The following SHTN1 variants were observed in gnomAD, a reference collection of about 807,000 sequenced individuals.
The protein encoded by SHTN1 is shootin-1.
SHTN1 carries 42 observed loss-of-function variants against 83.1 expected under a neutral mutation model. The observed-to-expected ratio is 0.51, with a 90% CI of 0.39 to 0.65. The LOEUF is 0.65. Ranked by LOEUF, SHTN1 falls within the 30% of genes least tolerant of loss-of-function variation. The pLI, the probability that SHTN1 is intolerant of heterozygous loss-of-function variation, is 0.00. For synonymous variants in SHTN1, 224 were observed against 247.7 expected (o/e 0.90, Z 0.90); for missense variants, 622 against 737.8 (o/e 0.84, Z 1.82).
At chr10:117,084,449 G>A (rs1322882385) in intron 1 of SHTN1, among the ~76,000 whole-genome samples, 3 of 152,238 alleles carry the variant, frequency 2.0e-5, no homozygotes, top group African/African-American at 7.2e-5. Flanking sequence ...AAAGCTGTCA[G>A]ACAGGGTCAT....
At chr10:116,986,247 A>G (rs570069858) in intron 1 of SHTN1, among the ~76,000 whole-genome samples, 46 of 152,252 alleles carry the variant, frequency 3.0e-4, no homozygotes, top group African/African-American at 1.0e-3. Flanking sequence ...AAAATCAACA[A>G]CTCTTCCTAA....
intron 1 of SHTN1, among the ~76,000 whole-genome samples, chr10:116,980,581 A>G (rs1316033982): frequency 6.6e-6 from 1 of 150,910 alleles, no homozygotes; most frequent in Non-Finnish European, 1.5e-5. Flanking sequence ...TCTTTTAAGA[A>G]AGAAAAAAAA....
intron 1 of SHTN1, among the ~76,000 whole-genome samples, chr10:117,072,893 G>T (rs1390863778): frequency 6.6e-6 from 1 of 152,056 alleles, no homozygotes; most frequent in African/African-American, 2.4e-5. Flanking sequence ...GAATTTAGGA[G>T]GTTAGTTATT....
chr10:117,066,877 T>C (rs1017569298), intron 1 of SHTN1, among the ~76,000 whole-genome samples: 2 of 152,228 alleles, frequency 1.3e-5, no homozygotes, highest in Non-Finnish European at 1.5e-5. Context: ...ACTGCTCTTA[T>C]CTGTGAAATA....
Position 116,886,228 on chromosome 10 carries a change from T to G in SHTN1, c.*116A>C, listed in dbSNP as rs1847158637. The G allele has an allele frequency of 7.2e-7, 1 of 1,394,240 alleles. No homozygotes were observed. The highest frequency in any genetic ancestry group is 9.7e-7 in the Non-Finnish European group (1 of 1,035,330). The allele number at this position is 1,394,240 out of a possible 1,614,324, so 86.4% of individuals were successfully genotyped here. A position where few individuals can be genotyped will look rare whatever the true frequency, so the allele number is the denominator to read the frequency against. On this transcript the variant is annotated 3_prime_UTR_variant, in exon 17 of 17. Coordinates refer to ENST00000355371, the MANE Select transcript of SHTN1 (RefSeq NM_001127211.3). ...ACAAAAGTGACACCAGAAAAGAACCTGTATTCTGAATACAGTGACCAGAGC... is the reference window on the plus strand; with the variant it reads ...ACAAAAGTGACACCAGAAAAGAACCGGTATTCTGAATACAGTGACCAGAGC...
chr10:116,911,383 G>A, intron 14 of SHTN1: 1 of 1,346,596 alleles, frequency 7.4e-7, no homozygotes, highest in South Asian at 1.5e-5. Context: ...GAAGCTATTT[G>A]GGGAGGAATT....
At chr10:116,906,505 C>T (rs1341642725) in intron 15 of SHTN1, 122 bp downstream of exon 15, 2 of 991,414 alleles carry the variant, frequency 2.0e-6, no homozygotes, top group Non-Finnish European at 2.8e-6. Context: ...ATACTTCTCA[C>T]TCACATTAAA....
chr10:116,974,171 A>G, intron 2 of SHTN1: 1 of 1,026,718 alleles, frequency 9.7e-7, no homozygotes, highest in Non-Finnish European at 1.2e-6. Context: ...ATTGTGTGTT[A>G]GATGGAAACA....
intron 1 of SHTN1, among the ~76,000 whole-genome samples, chr10:117,078,630 A>G (rs929371745): frequency 3.9e-5 from 6 of 152,218 alleles, no homozygotes; most frequent in Non-Finnish European, 8.8e-5. Context: ...TGGAGTTAAT[A>G]GAATTGTTTG....
intron 1 of SHTN1, among the ~76,000 whole-genome samples, chr10:117,100,582 C>T (rs1197323658): frequency 6.6e-6 from 1 of 152,094 alleles, no homozygotes; most frequent in South Asian, 2.1e-4. Flanking sequence ...CATACCCAGC[C>T]TGCATGTAAT....
At chr10:116,988,208 G>A (rs1395214197) in intron 1 of SHTN1, among the ~76,000 whole-genome samples, 1 of 151,826 alleles carries the variant, frequency 6.6e-6, no homozygotes, top group South Asian at 2.1e-4. Flanking sequence ...ATGAGAGTAG[G>A]AAAAGGTGAA....
intron 1 of SHTN1, among the ~76,000 whole-genome samples, chr10:117,095,692 TC>T (rs1467062316): frequency 6.6e-6 from 1 of 152,236 alleles, no homozygotes; most frequent in African/African-American, 2.4e-5. Flanking sequence ...TTCATTTTTT[TC>T]CTTACATTTT....
chr10:117,008,039 G>A (rs1852048436), upstream of SHTN1, among the ~76,000 whole-genome samples: 3 of 151,930 alleles, frequency 2.0e-5, no homozygotes, highest in African/African-American at 7.3e-5. Context: ...GATTTATGTT[G>A]CAGGCATCAC....
At chr10:116,949,938 G>A (rs1849716082) in intron 6 of SHTN1, among the ~76,000 whole-genome samples, 1 of 152,048 alleles carries the variant, frequency 6.6e-6, no homozygotes, top group African/African-American at 2.4e-5. Context: ...ATTGAATTTA[G>A]AAAGCAGGCA....
chr10:117,037,998 CAAAAAAA>C (rs71013632), intron 2 of SHTN1, among the ~76,000 whole-genome samples: 1 of 75,494 alleles, frequency 1.3e-5, no homozygotes, highest in African/African-American at 5.4e-5. Flanking sequence ...AGCGAGACTT[CAAAAAAA>C]AAAAAAAAAA....
In SHTN1 at chr10:116,975,633, C is replaced by T. The variant is rs566819128; in HGVS notation, c.111+3623G>A. The stretch of plus-strand genomic sequence containing the variant: ...TAAACTCAAACAAATTGACTCCATT[C>T]TCAAAGTCACTGATAAAAAAAAAAA... On this transcript the variant is annotated intron_variant, in intron 2 of 16. Coordinates refer to ENST00000355371, the MANE Select transcript of SHTN1 (RefSeq NM_001127211.3). Among the ~76,000 whole-genome samples, 43 of 151,526 alleles carry T rather than the reference C, an allele frequency of 2.8e-4. No individual in the cohort carries two copies. The East Asian group carries it at 8.2e-3, about 29-fold the overall frequency.
intron 3 of SHTN1, 116 bp from the exon 4 acceptor site, chr10:116,960,346 AGCTATCACTG>A: frequency 1.7e-6 from 1 of 588,854 alleles, no homozygotes; most frequent in Non-Finnish European, 3.0e-6. Flanking sequence ...CCAGACCTTT[AGCTATCACTG>A]AAAAAAGGTT....
intron 1 of SHTN1, among the ~76,000 whole-genome samples, chr10:117,003,263 T>A (rs898099150): frequency 6.6e-6 from 1 of 151,086 alleles, no homozygotes; most frequent in Non-Finnish European, 1.5e-5. Context: ...TACCAGTCAG[T>A]AGAATCCAGT....
chr10:117,026,521 C>G (rs2133568489), intron 2 of SHTN1, among the ~76,000 whole-genome samples: 1 of 151,884 alleles, frequency 6.6e-6, no homozygotes, highest in South Asian at 2.1e-4. Context: ...CTCCCGAATT[C>G]AAGCAATTCT....
Sources: gnomAD v4.1 joint callset for allele counts (sites outside exome capture counted in the v4.1 genomes callset) on GRCh38, gnomAD v4.1.1 for gene constraint, MANE v1.5 for transcripts, NCBI Gene and HGNC (gene_info 2026-07-23, HGNC 2026-07-21) for gene names.